RANBP17: variants seen among roughly 807,000 people sequenced by gnomAD.
RANBP17 encodes the protein RAN binding protein 17.
A neutral mutation model predicts 141.2 loss-of-function variants in RANBP17; 158 were observed. The ratio of observed to expected loss-of-function variants is 1.12; its 90% CI spans 0.98 to 1.28. The LOEUF is 1.28. Ranked by LOEUF, RANBP17 falls within the 50% of genes most tolerant of loss-of-function variation. RANBP17 has a pLI of 0.00. For missense variants in RANBP17, 1,438 were observed against 1,290.7 expected (o/e 1.11, Z -1.75); for synonymous variants, 430 against 450.0 (o/e 0.96, Z 0.56).
At chr5:170,955,609 TG>T (rs1775599354) in intron 13 of RANBP17, among the ~76,000 whole-genome samples, 1 of 69,688 alleles carries the variant, frequency 1.4e-5, no homozygotes, top group East Asian at 4.0e-4. Context: ...TATATATATA[TG>T]CTCAGTGTAT....
chr5:171,227,802 A>G (rs1465462302), intron 22 of RANBP17, among the ~76,000 whole-genome samples: 1 of 152,092 alleles, frequency 6.6e-6, no homozygotes, highest in African/African-American at 2.4e-5. Flanking sequence ...TGAAAATCCT[A>G]GGGCCCTTAA....
In RANBP17 at chr5:170,912,615, A is replaced by C. The variant is rs1244438786; in HGVS notation, c.760+1481A>C. ...AAATTTACAGGACAGTTGTCAAAAT[A>C]AAACATCCAGTGGAAAAGTTGTAAG... is the stretch of plus-strand genomic sequence containing the variant. On this transcript the variant is annotated intron_variant, in intron 7 of 27. Coordinates refer to ENST00000523189, the MANE Select transcript of RANBP17 (RefSeq NM_022897.5). Among the ~76,000 whole-genome samples the C allele has an allele frequency of 2.6e-5, 4 of 151,944 alleles. No homozygotes were observed. In the South Asian group the frequency reaches 8.3e-4, roughly 31 times the overall value.
rs1171890848 is a variant in RANBP17, at chr5:171,200,178, CAAG to C, written c.2142+408_2142+410del. Among the ~76,000 whole-genome samples the C allele has an allele frequency of 2.0e-5, 3 of 152,192 alleles. No individual in the cohort carries two copies. In the East Asian group the frequency reaches 5.8e-4, roughly 29 times the overall value. ...CTACATCTCTAAATATTTTTTTAAA[CAAG>C]AATTTATATAAATCAAGACTTTATT... On this transcript the variant is annotated intron_variant, in intron 19 of 27. Transcript: ENST00000523189.
At chr5:170,893,693 T>C (rs1483047841) in intron 4 of RANBP17, among the ~76,000 whole-genome samples, 1 of 151,560 alleles carries the variant, frequency 6.6e-6, no homozygotes, top group Admixed American at 6.6e-5. Context: ...CTCGGGAGGC[T>C]GAGGCAGGAG....
At chr5:170,910,576 C>T (rs992074195) in intron 6 of RANBP17, 10 of 168,328 alleles carry the variant, frequency 5.9e-5, no homozygotes, top group Non-Finnish European at 1.1e-4. Flanking sequence ...TGCCTACCCA[C>T]TTCTTTTTAT....
rs1764959496 is a variant in RANBP17, at chr5:171,242,666, T to A, written c.2638-16T>A. The stretch of plus-strand genomic sequence containing the variant: ...CTTCTCTGTGGCTTGACATTTAGTA[T>A]ATCTCTGTGTTGTAGCAATACCGGA... On this transcript the variant is annotated splice_polypyrimidine_tract_variant and intron_variant, in intron 23 of 27. Transcript: ENST00000523189. 2 of 1,610,568 alleles carry A rather than the reference T, an allele frequency of 1.2e-6. No individual in the cohort carries two copies. The highest frequency in any genetic ancestry group is 2.7e-5 in the African/African-American group (2 of 74,758).
At chr5:171,036,406 C>T (rs1781884403) in intron 14 of RANBP17, among the ~76,000 whole-genome samples, 1 of 151,834 alleles carries the variant, frequency 6.6e-6, no homozygotes, top group South Asian at 2.1e-4. Flanking sequence ...TGTATATATG[C>T]TACTTTTTCC....
intron 19 of RANBP17, among the ~76,000 whole-genome samples, chr5:171,200,087 A>G (rs1581847922): frequency 1.3e-5 from 2 of 152,294 alleles, no homozygotes; most frequent in East Asian, 1.9e-4. Flanking sequence ...TCCCTCATCT[A>G]TCCTGCACTG....
chr5:170,865,023 G>T (rs4867635), intron 1 of RANBP17, among the ~76,000 whole-genome samples: 95,928 of 151,998 alleles, frequency 0.63, 31,217 homozygotes, highest in South Asian at 0.9. Context: ...TCTACAATTA[G>T]TTTGGAAGGT....
chr5:171,064,452 T>C (rs988815904), intron 14 of RANBP17, among the ~76,000 whole-genome samples: 3 of 152,254 alleles, frequency 2.0e-5, no homozygotes, highest in Non-Finnish European at 2.9e-5. Context: ...ACAAGCATTT[T>C]TATATCTCCT....
At chr5:171,244,743 G>A (rs913770015) in intron 24 of RANBP17, among the ~76,000 whole-genome samples, 1 of 152,018 alleles carries the variant, frequency 6.6e-6, no homozygotes, top group Admixed American at 6.6e-5. Context: ...CCCCATGCCT[G>A]GACTTCAATA....
chr5:170,895,482 C>T (rs1360200923), intron 4 of RANBP17, among the ~76,000 whole-genome samples: 1 of 152,092 alleles, frequency 6.6e-6, no homozygotes, highest in African/African-American at 2.4e-5. Context: ...TATCTCATTG[C>T]ATTGTGTACT....
chr5:170,881,580 T>G (rs1489554842), intron 2 of RANBP17, among the ~76,000 whole-genome samples: 1 of 152,226 alleles, frequency 6.6e-6, no homozygotes, highest in Non-Finnish European at 1.5e-5. Flanking sequence ...TTGAGATGGC[T>G]GTCTACATCT....
At chr5:170,909,364 G>T (rs1240385966) in intron 5 of RANBP17, among the ~76,000 whole-genome samples, 1 of 151,774 alleles carries the variant, frequency 6.6e-6, no homozygotes, top group Admixed American at 6.6e-5. Flanking sequence ...GGAATGTGAG[G>T]AACAGGGAAG....
At chr5:170,909,265 A>G (rs967316920) in intron 5 of RANBP17, among the ~76,000 whole-genome samples, 2 of 151,864 alleles carry the variant, frequency 1.3e-5, no homozygotes, top group African/African-American at 4.8e-5. Context: ...TTTCAACTAG[A>G]AGAATTTTTC....
intron 14 of RANBP17, among the ~76,000 whole-genome samples, chr5:171,091,000 C>T (rs1349511938): frequency 6.6e-6 from 1 of 152,186 alleles, no homozygotes; most frequent in Admixed American, 6.5e-5. Context: ...GGTCAGAGCT[C>T]CCTCACAGAG....
Position 171,038,380 on chromosome 5 carries a change from A to G in RANBP17, c.1710+70003A>G, listed in dbSNP as rs373758346. ...CTTAAGGGTTTTTTTCAGGTATACAATCATATTGTTGGCCAAGAGAGATAG... is the reference window on the plus strand; with the variant it reads ...CTTAAGGGTTTTTTTCAGGTATACAGTCATATTGTTGGCCAAGAGAGATAG... On this transcript the variant is annotated intron_variant, in intron 14 of 27. Transcript: ENST00000523189. Among the ~76,000 whole-genome samples, 67 of 152,164 alleles carry G rather than the reference A, an allele frequency of 4.4e-4. 1 individual carries two copies. The South Asian group carries it at 0.013, about 30-fold the overall frequency.
At chr5:171,137,572 A>ATGTGTGTGTGTGTGTGTG (rs140713117) in intron 14 of RANBP17, among the ~76,000 whole-genome samples, 8 of 141,032 alleles carry the variant, frequency 5.7e-5, no homozygotes, top group Non-Finnish European at 1.1e-4. Context: ...TTGACTTGAG[A>ATGTGTGTGTGTGTGTGTG]TGTGTGTGTG....
At chr5:170,950,113 T>G (rs1775088929) in intron 12 of RANBP17, among the ~76,000 whole-genome samples, 1 of 152,108 alleles carries the variant, frequency 6.6e-6, no homozygotes, top group African/African-American at 2.4e-5. Flanking sequence ...GGATTAGACT[T>G]AAGACCTGAA....
Sources: gnomAD v4.1 joint callset for allele counts (sites outside exome capture counted in the v4.1 genomes callset) on GRCh38, gnomAD v4.1.1 for gene constraint, MANE v1.5 for transcripts, NCBI Gene and HGNC (gene_info 2026-07-23, HGNC 2026-07-21) for gene names.